HS6ST3: variants seen among roughly 807,000 people sequenced by gnomAD.
The protein encoded by HS6ST3 is heparan-sulfate 6-O-sulfotransferase 3.
Under a neutral mutation model 36.7 loss-of-function variants are expected in HS6ST3, and 12 were observed. The observed-to-expected ratio is 0.33, with a 90% CI of 0.21 to 0.53. The LOEUF (loss-of-function observed/expected upper bound fraction) is 0.53. Among genes scored for constraint, HS6ST3 ranks in the 20% least tolerant of loss-of-function variants. The pLI is 0.95. For synonymous variants in HS6ST3, 240 were observed against 257.5 expected (o/e 0.93, Z 0.65); for missense variants, 584 against 640.9 (o/e 0.91, Z 0.96).
At chr13:96,597,233 A>G (rs1474392053) in intron 1 of HS6ST3, among the ~76,000 whole-genome samples, 1 of 151,996 alleles carries the variant, frequency 6.6e-6, no homozygotes. Flanking sequence ...AAAATAACTA[A>G]TGCATGCTAG....
At chr13:96,481,810 G>A (rs2055891525) in intron 1 of HS6ST3, among the ~76,000 whole-genome samples, 2 of 152,190 alleles carry the variant, frequency 1.3e-5, no homozygotes, top group Non-Finnish European at 2.9e-5. Flanking sequence ...TGTGTGCCAA[G>A]TGCTTTGGAA....
chr13:96,594,629 C>T (rs2056395087), intron 1 of HS6ST3, among the ~76,000 whole-genome samples: 1 of 152,152 alleles, frequency 6.6e-6, no homozygotes, highest in Non-Finnish European at 1.5e-5. Context: ...TCCCTTTTCC[C>T]ACATTTTGAA....
At chr13:96,728,014 T>C (rs998664202) in intron 1 of HS6ST3, among the ~76,000 whole-genome samples, 2 of 152,184 alleles carry the variant, frequency 1.3e-5, no homozygotes, top group African/African-American at 4.8e-5. Context: ...GTTAGGCTGA[T>C]TGTAATTCTC....
chr13:96,499,600 C>T (rs2055994160), intron 1 of HS6ST3, among the ~76,000 whole-genome samples: 1 of 151,864 alleles, frequency 6.6e-6, no homozygotes. Flanking sequence ...AGGAAAGCGA[C>T]ATGTGAGGCA....
At chr13:96,522,832 C>T (rs2056099149) in intron 1 of HS6ST3, among the ~76,000 whole-genome samples, 1 of 152,132 alleles carries the variant, frequency 6.6e-6, no homozygotes, top group African/African-American at 2.4e-5. Context: ...CCATCTGTGT[C>T]TTTTAATTGG....
intron 1 of HS6ST3, among the ~76,000 whole-genome samples, chr13:96,515,191 G>C (rs1173819881): frequency 2.6e-5 from 4 of 152,166 alleles, no homozygotes; most frequent in African/African-American, 9.7e-5. Context: ...TGGTAAACTT[G>C]AATAAACCAT....
At chr13:96,398,197 T>C (rs1436821064) in intron 1 of HS6ST3, among the ~76,000 whole-genome samples, 1 of 152,208 alleles carries the variant, frequency 6.6e-6, no homozygotes, top group East Asian at 1.9e-4. Context: ...TTCTACTATG[T>C]TTCTTGTCAT....
chr13:96,173,311 A>G (rs966528222), intron 1 of HS6ST3, among the ~76,000 whole-genome samples: 1 of 152,138 alleles, frequency 6.6e-6, no homozygotes, highest in Non-Finnish European at 1.5e-5. Flanking sequence ...ATTAGCAAAG[A>G]TCCTTCCTAG....
intron 1 of HS6ST3, among the ~76,000 whole-genome samples, chr13:96,337,603 A>G (rs2055108471): frequency 6.6e-6 from 1 of 152,118 alleles, no homozygotes; most frequent in African/African-American, 2.4e-5. Context: ...TGTAGTTCTC[A>G]GTGCTCTGAT....
At chr13:96,749,818 G>A (rs1876655536) in intron 1 of HS6ST3, among the ~76,000 whole-genome samples, 1 of 151,988 alleles carries the variant, frequency 6.6e-6, no homozygotes, top group African/African-American at 2.4e-5. Flanking sequence ...ATCTTTAAAT[G>A]TATTTGTATA....
intron 1 of HS6ST3, among the ~76,000 whole-genome samples, chr13:96,310,432 G>A (rs954402931): frequency 6.6e-6 from 1 of 152,130 alleles, no homozygotes; most frequent in Middle Eastern, 3.4e-3. Context: ...TCAGCTTTTT[G>A]GATACAGGTA....
chr13:96,139,018 A>G (rs1422905354), intron 1 of HS6ST3, among the ~76,000 whole-genome samples: 1 of 152,150 alleles, frequency 6.6e-6, no homozygotes, highest in Non-Finnish European at 1.5e-5. Context: ...TCAGAAAAAA[A>G]AGTAAAGCAA....
At chr13:96,759,062 G>T (rs1049883923) in intron 1 of HS6ST3, among the ~76,000 whole-genome samples, 1 of 151,510 alleles carries the variant, frequency 6.6e-6, no homozygotes, top group African/African-American at 2.4e-5. Flanking sequence ...ATTATAACAT[G>T]ACTCTATTTC....
intron 1 of HS6ST3, among the ~76,000 whole-genome samples, chr13:96,294,425 TAAAAG>T (rs2054844729): frequency 6.6e-6 from 1 of 152,154 alleles, no homozygotes; most frequent in Admixed American, 6.6e-5. Context: ...TACCTCAAGT[TAAAAG>T]AAGGAAGTTT....
In HS6ST3 at chr13:96,090,314, G is replaced by T. The variant is rs2053753875; in HGVS notation, c.-549G>T. ...AGCCCTCGCGGCTCCACAGCCCCGC[G>T]ACCTGCCGGCAAAGGCGCCGGGCGC... On this transcript the variant is annotated 5_prime_UTR_variant, in exon 1 of 2. Coordinates refer to ENST00000376705, the MANE Select transcript of HS6ST3 (RefSeq NM_153456.4). Among the ~76,000 whole-genome samples, 1 of 148,804 alleles carries T rather than the reference G, an allele frequency of 6.7e-6. No homozygotes were observed. Among genetic ancestry groups the T allele is most frequent in the African/African-American group, 2.4e-5 (1 of 41,050 alleles).
intron 1 of HS6ST3, among the ~76,000 whole-genome samples, chr13:96,601,156 T>A (rs1480237621): frequency 1.3e-5 from 2 of 152,192 alleles, no homozygotes; most frequent in Non-Finnish European, 2.9e-5. Context: ...GATGTCCTTT[T>A]TTGCAATGAA....
chr13:96,731,908 C>A (rs1387379136), intron 1 of HS6ST3, among the ~76,000 whole-genome samples: 1 of 152,012 alleles, frequency 6.6e-6, no homozygotes, highest in East Asian at 1.9e-4. Context: ...CTCCTGGCTC[C>A]ATCTCCCAAA....
chr13:96,800,878 A>G (rs1878048190), intron 1 of HS6ST3, among the ~76,000 whole-genome samples: 1 of 152,120 alleles, frequency 6.6e-6, no homozygotes, highest in African/African-American at 2.4e-5. Context: ...CAAAAAAAGA[A>G]AAAGAAAAAC....
chr13:96,496,172 T>A (rs927878338), intron 1 of HS6ST3, among the ~76,000 whole-genome samples: 3 of 152,190 alleles, frequency 2.0e-5, no homozygotes, highest in Non-Finnish European at 4.4e-5. Context: ...CATTCCTAAA[T>A]GCCCCACCCC....
Sources: gnomAD v4.1 joint callset for allele counts (sites outside exome capture counted in the v4.1 genomes callset) on GRCh38, gnomAD v4.1.1 for gene constraint, MANE v1.5 for transcripts, NCBI Gene and HGNC (gene_info 2026-07-23, HGNC 2026-07-21) for gene names.